The following DIP2C variants were observed in gnomAD, a reference collection of about 807,000 sequenced individuals.
DIP2C encodes the protein DIP2 acetate--CoA ligase C (putative).
Under a neutral mutation model 192.4 loss-of-function variants are expected in DIP2C, and 33 were observed. The ratio of observed to expected loss-of-function variants is 0.17; its 90% CI spans 0.13 to 0.23. DIP2C has a LOEUF of 0.23. Ranked by LOEUF, DIP2C falls within the 10% of genes least tolerant of loss-of-function variation. DIP2C has a pLI of 1.00. For missense variants in DIP2C, 1,537 were observed against 2,110.1 expected, an observed-to-expected ratio of 0.73 and a Z score of 5.32; for synonymous variants, 979 against 864.1, an observed-to-expected ratio of 1.13 and a Z score of -2.33.
intron 9 of DIP2C, among the ~76,000 whole-genome samples, chr10:406,386 T>G (rs1014323351): frequency 2.0e-5 from 3 of 152,218 alleles, no homozygotes; most frequent in Non-Finnish European, 4.4e-5. Flanking sequence ...AAACACGAAC[T>G]TTGCATTCCT....
chr10:387,874 A>G, intron 13 of DIP2C, 65 bp from the exon 14 acceptor site: 1 of 1,495,906 alleles, frequency 6.7e-7, no homozygotes, highest in Non-Finnish European at 9.3e-7. Flanking sequence ...CAAAATGCAA[A>G]CAAAATCCAA....
At chr10:664,155 G>C (rs1429501487) in intron 1 of DIP2C, 1 of 150,100 alleles carries the variant, frequency 6.7e-6, no homozygotes, top group Non-Finnish European at 1.5e-5. Context: ...AGTGCCAAGG[G>C]GAAAAGCCCG....
intron 1 of DIP2C, among the ~76,000 whole-genome samples, chr10:578,296 G>A (rs1417136372): frequency 2.0e-5 from 3 of 152,146 alleles, no homozygotes; most frequent in African/African-American, 7.2e-5. Context: ...AGAACACAAG[G>A]CAGTAAATAC....
At chr10:480,245 T>G (rs1843501196) in intron 2 of DIP2C, among the ~76,000 whole-genome samples, 1 of 148,236 alleles carries the variant, frequency 6.7e-6, no homozygotes, top group Non-Finnish European at 1.5e-5. Context: ...GCTCACTGGA[T>G]GAGGGTCTCA....
chr10:689,348 C>T lies in DIP2C; in HGVS notation c.85+146G>A, dbSNP rs1347198415. On this transcript the variant is annotated intron_variant, in intron 1 of 36. Transcript: ENST00000280886. The surrounding 1 kb of genome is among the most constrained non-coding windows in gnomAD (Gnocchi z 6.1). ...CCCTAGGGCGCGGGGTCTGGGGGTC[C>T]GGGGGACGCGCACGCTCCGGGCTGG... The T allele has an allele frequency of 3.1e-5, 10 of 326,926 alleles. No individual in the cohort carries two copies. The highest frequency in any genetic ancestry group is 6.3e-5 in the Admixed American group (1 of 15,772). The allele number at this position is 326,926 out of a possible 1,614,324, so 20.3% of individuals were successfully genotyped here.
chr10:385,875 G>T (rs1022407224), intron 14 of DIP2C, among the ~76,000 whole-genome samples: 11 of 152,268 alleles, frequency 7.2e-5, no homozygotes, highest in African/African-American at 2.6e-4. Context: ...AAAAGCATGT[G>T]CCTTCACTCC....
intron 3 of DIP2C, among the ~76,000 whole-genome samples, chr10:463,272 CCTT>C (rs1969939694): frequency 1.3e-5 from 2 of 152,168 alleles, no homozygotes; most frequent in Non-Finnish European, 2.9e-5. Context: ...CCCAAAATCT[CCTT>C]AAGCTGATAA....
At chr10:635,538 G>A (rs1027359672) in intron 1 of DIP2C, among the ~76,000 whole-genome samples, 12 of 152,364 alleles carry the variant, frequency 7.9e-5, no homozygotes, top group African/African-American at 2.4e-4. Context: ...CTGGGCGAGG[G>A]CCTGCGTCTC....
At position 551,435 on chromosome 10, in the gene DIP2C, C is replaced by T. The variant is rs560856249; in HGVS notation, c.86-64905G>A. Among the ~76,000 whole-genome samples, 8 of 152,330 alleles carry T rather than the reference C, an allele frequency of 5.3e-5. No individual in the cohort carries two copies. In the East Asian group the frequency reaches 1.2e-3, roughly 22 times the overall value. On this transcript the variant is annotated intron_variant, in intron 1 of 36. Transcript: ENST00000280886. ...GGGGTCCAGGCTGCAGGTCTGCACTCGGCTTCTCCTGGCCCCCGAGGCCAA... is the reference window on the plus strand; with the variant it reads ...GGGGTCCAGGCTGCAGGTCTGCACTTGGCTTCTCCTGGCCCCCGAGGCCAA...
intron 17 of DIP2C, among the ~76,000 whole-genome samples, chr10:370,814 G>T (rs1343350241): frequency 6.6e-6 from 1 of 152,060 alleles, no homozygotes; most frequent in African/African-American, 2.4e-5. Flanking sequence ...AAATATTATG[G>T]TTTATAATGA....
At position 635,836 on chromosome 10, in the gene DIP2C, G is replaced by C. The variant is rs575381213; in HGVS notation, c.85+53658C>G. Reference sequence around the variant, plus strand: ...AGGGTCTTGTCAGGAAAGACCCCCAGAGGCTGCCTCACCGGCCCAGGGGAA... The same window carrying C: ...AGGGTCTTGTCAGGAAAGACCCCCACAGGCTGCCTCACCGGCCCAGGGGAA... On this transcript the variant is annotated intron_variant, in intron 1 of 36. Transcript: ENST00000280886. 3.0e-4 allele frequency among the ~76,000 whole-genome samples: 46 copies of C among 152,314 alleles called. No individual in the cohort carries two copies. The East Asian group carries it at 7.9e-3, about 26-fold the overall frequency.
intron 1 of DIP2C, among the ~76,000 whole-genome samples, chr10:625,719 G>T (rs995469329): frequency 1.5e-4 from 23 of 152,230 alleles, no homozygotes; most frequent in Non-Finnish European, 2.9e-4. Context: ...AAATGCAAAG[G>T]CCGCCCTGGA....
intron 19 of DIP2C, 59 bp from the exon 20 acceptor site, chr10:364,641 G>A (rs185139261): frequency 1.2e-5 from 19 of 1,560,026 alleles, no homozygotes; most frequent in African/African-American, 5.4e-5. Flanking sequence ...TTTAATCCTC[G>A]CCGCTACTCC....
intron 1 of DIP2C, among the ~76,000 whole-genome samples, chr10:554,845 G>A (rs1480477631): frequency 6.6e-6 from 1 of 151,388 alleles, no homozygotes; most frequent in Non-Finnish European, 1.5e-5. Context: ...TCACAGCCTG[G>A]CAGGAAGCAC....
chr10:663,049 G>T, intron 1 of DIP2C: 2 of 638,146 alleles, frequency 3.1e-6, no homozygotes, highest in Non-Finnish European at 5.8e-6. Flanking sequence ...GACCCTGCTG[G>T]GGCAGATGGT....
intron 36 of DIP2C, among the ~76,000 whole-genome samples, chr10:280,764 C>T (rs1049712187): frequency 6.6e-6 from 1 of 152,238 alleles, no homozygotes; most frequent in Admixed American, 6.5e-5. Flanking sequence ...CTTTGGAAGT[C>T]TCTTCTGGGG....
At chr10:664,779 A>C (rs566061406) in intron 1 of DIP2C, 1 of 152,212 alleles carries the variant, frequency 6.6e-6, no homozygotes, top group African/African-American at 2.4e-5. Context: ...AACCAAATAT[A>C]TATCTACAAA....
At chr10:360,440 G>A (rs1440664003) in intron 22 of DIP2C, among the ~76,000 whole-genome samples, 1 of 152,158 alleles carries the variant, frequency 6.6e-6, no homozygotes, top group Non-Finnish European at 1.5e-5. Context: ...CCCATTAATG[G>A]ATTCACCCAT....
chr10:348,885 C>A, intron 25 of DIP2C, 123 bp from the exon 26 acceptor site: 5 of 1,396,078 alleles, frequency 3.6e-6, no homozygotes, highest in Non-Finnish European at 4.9e-6. Context: ...GAGCTTCTCA[C>A]AGCCTCCGTC....
Sources: allele counts gnomAD v4.1 joint callset (sites outside exome capture counted in the v4.1 genomes callset), GRCh38; gene constraint gnomAD v4.1.1; non-coding constraint Gnocchi (gnomAD v3.1); transcripts MANE v1.5; gene names NCBI Gene and HGNC (gene_info 2026-07-23, HGNC 2026-07-21).